Variants in LRP11 observed in about 807,000 individuals in gnomAD.
The protein encoded by LRP11 is LDL receptor related protein 11.
In LRP11, 25 loss-of-function variants were observed where a neutral mutation model predicts 43.1. The ratio of observed to expected loss-of-function variants is 0.58; its 90% CI spans 0.42 to 0.81. The LOEUF is 0.81. Ranked by LOEUF, LRP11 falls within the 30% of genes least tolerant of loss-of-function variation. The probability of loss-of-function intolerance (pLI) is 0.00; values close to 1 mark genes in which losing one functional copy is unlikely to be tolerated. For synonymous variants in LRP11, 316 were observed against 299.4 expected, an observed-to-expected ratio of 1.06 and a Z score of -0.57; for missense variants, 623 against 665.1, an observed-to-expected ratio of 0.94 and a Z score of 0.70.
intron 1 of LRP11, among the ~76,000 whole-genome samples, chr6:149,856,125 C>T (rs554655423): frequency 7.1e-6 from 1 of 140,422 alleles, no homozygotes; most frequent in African/African-American, 3.3e-5. Context: ...GTTAAAAATA[C>T]ATTTTTAAGT....
At position 149,862,577 on chromosome 6, in the gene LRP11, C is replaced by CTTT. The variant is rs10553273; in HGVS notation, c.613+828_613+830dup. On this transcript the variant is annotated intron_variant, in intron 1 of 6. Coordinates refer to ENST00000239367, the MANE Select transcript of LRP11 (RefSeq NM_032832.6). ...CTTTAAAGTTTCCTATTTTCTTTTC[C>CTTT]TTTTTTTTTTTTTTTTTTTAAGATG... Among the ~76,000 whole-genome samples, 436 of 126,184 alleles carry CTTT rather than the reference C, an allele frequency of 3.5e-3. 12 individuals carry two copies. Among genetic ancestry groups the CTTT allele is most frequent in the African/African-American group, 0.011 (374 of 33,080 alleles). The allele number at this position is 126,184 out of a possible 152,430, so 82.8% of individuals were successfully genotyped here. A position where few individuals can be genotyped will look rare whatever the true frequency, so the allele number is the denominator to read the frequency against.
intron 1 of LRP11, among the ~76,000 whole-genome samples, chr6:149,858,187 G>A (rs1009483352): frequency 2.0e-5 from 3 of 152,156 alleles, no homozygotes; most frequent in Non-Finnish European, 4.4e-5. Flanking sequence ...TTGTCCTAAT[G>A]CTATCCCTTC....
At chr6:149,857,956 T>C (rs1040824570) in intron 1 of LRP11, among the ~76,000 whole-genome samples, 6 of 152,202 alleles carry the variant, frequency 3.9e-5, no homozygotes, top group African/African-American at 1.4e-4. Context: ...AGGTAGGTAT[T>C]ATCATCTGCA....
intron 3 of LRP11, among the ~76,000 whole-genome samples, chr6:149,838,090 G>A (rs952294888): frequency 6.6e-6 from 1 of 151,744 alleles, no homozygotes; most frequent in Non-Finnish European, 1.5e-5. Context: ...GTTAATTTTT[G>A]TGTTTTTTGG....
At chr6:149,835,802 T>C (rs1776463132) in intron 5 of LRP11, among the ~76,000 whole-genome samples, 1 of 152,124 alleles carries the variant, frequency 6.6e-6, no homozygotes, top group South Asian at 2.1e-4. Flanking sequence ...CAACCTAAAA[T>C]TTAACACTTT....
chr6:149,840,771 G>T (rs566273658), intron 3 of LRP11, among the ~76,000 whole-genome samples: 90 of 152,300 alleles, frequency 5.9e-4, no homozygotes, highest in African/African-American at 2.1e-3. Flanking sequence ...AGGGCGCCCA[G>T]ATCTACAGAA....
intron 1 of LRP11, among the ~76,000 whole-genome samples, chr6:149,859,403 T>A (rs1422645580): frequency 4.6e-4 from 58 of 126,124 alleles, no homozygotes; most frequent in African/African-American, 1.2e-3. Flanking sequence ...TATATTTTTT[T>A]TTTTTTTTTT....
intron 1 of LRP11, among the ~76,000 whole-genome samples, chr6:149,855,247 C>T (rs888832255): frequency 1.2e-4 from 18 of 152,176 alleles, no homozygotes; most frequent in Non-Finnish European, 1.0e-4. Flanking sequence ...ATTAAGACCT[C>T]GCCTGGACTT....
At chr6:149,859,396 A>ATATATATATTTTTTTTT in intron 1 of LRP11, among the ~76,000 whole-genome samples, 5 of 71,492 alleles carry the variant, frequency 7.0e-5, no homozygotes, top group African/African-American at 4.1e-4. Context: ...ATATATATAT[A>ATATATATATTTTTTTTT]TTTTTTTTTT....
At chr6:149,860,258 C>T (rs1235824562) in intron 1 of LRP11, among the ~76,000 whole-genome samples, 1 of 152,044 alleles carries the variant, frequency 6.6e-6, no homozygotes, top group Non-Finnish European at 1.5e-5. Flanking sequence ...AGGCAAGGGG[C>T]CCACTTCCCA....
At chr6:149,846,457 C>T (rs527708964) in intron 2 of LRP11, among the ~76,000 whole-genome samples, 1 of 152,164 alleles carries the variant, frequency 6.6e-6, no homozygotes, top group African/African-American at 2.4e-5. Flanking sequence ...TGAAAGCAGA[C>T]AAGAAGCCCT....
At chr6:149,824,945 G>A (rs936851150) in intron 6 of LRP11, among the ~76,000 whole-genome samples, 1 of 152,170 alleles carries the variant, frequency 6.6e-6, no homozygotes, top group Non-Finnish European at 1.5e-5. Context: ...ACATATGTGT[G>A]GGGAGGCAAG....
intron 2 of LRP11, among the ~76,000 whole-genome samples, chr6:149,848,617 A>G (rs1776674114): frequency 6.6e-6 from 1 of 152,212 alleles, no homozygotes; most frequent in South Asian, 2.1e-4. Flanking sequence ...TTCTCAGCAA[A>G]CTAATGCAAG....
At chr6:149,837,207 T>C in intron 4 of LRP11, 131 bp downstream of exon 4, 1 of 986,664 alleles carries the variant, frequency 1.0e-6, no homozygotes, top group Non-Finnish European at 1.5e-6. Flanking sequence ...AAGGCATAGC[T>C]TTTACATGTA....
intron 1 of LRP11, among the ~76,000 whole-genome samples, chr6:149,860,932 T>G (rs992959245): frequency 6.6e-6 from 1 of 152,158 alleles, no homozygotes; most frequent in Non-Finnish European, 1.5e-5. Flanking sequence ...GGCCTTTGTG[T>G]TGTTGTGAGG....
At chr6:149,842,648 G>A (rs1193569073) in intron 3 of LRP11, 1 of 1,550,918 alleles carries the variant, frequency 6.4e-7, no homozygotes, top group East Asian at 2.4e-5. Flanking sequence ...CTTCCCTCTT[G>A]GAACAGATGC....
intron 2 of LRP11, among the ~76,000 whole-genome samples, chr6:149,852,120 G>A (rs1776728721): frequency 6.6e-6 from 1 of 152,166 alleles, no homozygotes; most frequent in African/African-American, 2.4e-5. Context: ...AGATTTTTGG[G>A]TGGGGACAAA....
At chr6:149,836,054 T>A (rs747647447) in intron 5 of LRP11, 31 bp downstream of exon 5, 1 of 1,590,286 alleles carries the variant, frequency 6.3e-7, no homozygotes, top group South Asian at 1.1e-5. Flanking sequence ...AAAACAAGGT[T>A]CTTCATTGAG....
chr6:149,843,895 G>A (rs1015793831), intron 2 of LRP11, among the ~76,000 whole-genome samples: 2 of 152,050 alleles, frequency 1.3e-5, no homozygotes, highest in African/African-American at 4.8e-5. Flanking sequence ...AACAGTGCTG[G>A]CAAAACTCAC....
Sources: gnomAD v4.1 joint callset for allele counts (sites outside exome capture counted in the v4.1 genomes callset) on GRCh38, gnomAD v4.1.1 for gene constraint, MANE v1.5 for transcripts, NCBI Gene and HGNC (gene_info 2026-07-23, HGNC 2026-07-21) for gene names.